Variants in KCNA6 observed in about 807,000 individuals in gnomAD.
The protein encoded by KCNA6 is human brain potassium channel-2.
A neutral mutation model predicts 29.5 loss-of-function variants in KCNA6; 17 were observed. That is an observed-to-expected ratio of 0.58 (90% confidence interval 0.39 to 0.86). KCNA6 has a LOEUF of 0.86. Among genes scored for constraint, KCNA6 ranks in the 40% least tolerant of loss-of-function variants. KCNA6 has a pLI of 0.00. For synonymous variants in KCNA6, 296 were observed against 304.7 expected, an observed-to-expected ratio of 0.97 and a Z score of 0.30; for missense variants, 450 against 703.4, an observed-to-expected ratio of 0.64 and a Z score of 4.07.
chr12:4,850,527 T>A, the KCNA6 span, among the ~76,000 whole-genome samples: 1 of 152,102 alleles, frequency 6.6e-6, no homozygotes, highest in Non-Finnish European at 1.5e-5. This position sits in a 1 kb window ranked among gnomAD's most constrained non-coding sequence, Gnocchi z 5.4. Context: ...AGTCACTGAT[T>A]AGTTGCTGGA....
chr12:4,835,934 G>GTTTTTTTT, the KCNA6 span, among the ~76,000 whole-genome samples: 75 of 137,200 alleles, frequency 5.5e-4, no homozygotes, highest in African/African-American at 2.0e-3. Flanking sequence ...AAAAGTCGCT[G>GTTTTTTTT]TTTTTTTTTT....
At chr12:4,839,101 T>C in the KCNA6 span, 1 of 152,242 alleles carries the variant, frequency 6.6e-6, no homozygotes, top group Non-Finnish European at 1.5e-5. Context: ...ATGCATAGAA[T>C]AATAAAGTTT....
chr12:4,820,635 A>C, the KCNA6 span, among the ~76,000 whole-genome samples: 50 of 151,466 alleles, frequency 3.3e-4, no homozygotes, highest in African/African-American at 1.2e-3. Context: ...CAAACTCCTT[A>C]GCAGAGCTGC....
At chr12:4,825,555 T>G in the KCNA6 span, among the ~76,000 whole-genome samples, 184 of 152,346 alleles carry the variant, frequency 1.2e-3, 1 homozygote, top group African/African-American at 4.4e-3. Flanking sequence ...TTTGAGTGCA[T>G]GGACCCTCAG....
the KCNA6 span, among the ~76,000 whole-genome samples, chr12:4,845,916 G>A: frequency 6.6e-6 from 1 of 150,538 alleles, no homozygotes; most frequent in East Asian, 1.9e-4. Flanking sequence ...TTTGTCACTG[G>A]ATTTCTCAGT....
the KCNA6 span, among the ~76,000 whole-genome samples, chr12:4,841,042 G>A: frequency 2.0e-5 from 3 of 152,170 alleles, no homozygotes; most frequent in Non-Finnish European, 4.4e-5. Context: ...GAAAAAGAAA[G>A]GATGAATTTA....
At chr12:4,813,629 G>T (rs1454223214), downstream of KCNA6, 1 of 167,008 alleles carries the variant, frequency 6.0e-6, no homozygotes, top group Non-Finnish European at 1.5e-5. Flanking sequence ...CTTGACTGGG[G>T]GCTTGGCTTC....
chr12:4,847,360 A>C, the KCNA6 span, among the ~76,000 whole-genome samples: 2 of 151,996 alleles, frequency 1.3e-5, no homozygotes, highest in Admixed American at 6.5e-5. Flanking sequence ...CTATTTCTTT[A>C]ATAATATTCT....
the KCNA6 span, among the ~76,000 whole-genome samples, chr12:4,829,965 G>A: frequency 6.6e-6 from 1 of 152,166 alleles, no homozygotes; most frequent in Non-Finnish European, 1.5e-5. Context: ...TCCCTACTTG[G>A]CTCATGGCCA....
chr12:4,824,788 A>G, the KCNA6 span, among the ~76,000 whole-genome samples: 1 of 152,244 alleles, frequency 6.6e-6, no homozygotes, highest in East Asian at 1.9e-4. Context: ...CTTTGCAATT[A>G]TAATACCAAT....
chr12:4,844,381 A>G, the KCNA6 span, among the ~76,000 whole-genome samples: 1 of 152,212 alleles, frequency 6.6e-6, no homozygotes. The surrounding 1 kb of genome is among the most constrained non-coding windows in gnomAD (Gnocchi z 4.0). Context: ...AGGGAATGTC[A>G]GGGAAGAAGT....
At chr12:4,813,282 G>A (rs1946650500) in exon 1 of KCNA6, 1 of 166,946 alleles carries the variant, frequency 6.0e-6, no homozygotes, top group African/African-American at 2.4e-5. Flanking sequence ...GTCACTCTTT[G>A]TGCCTCAGTT....
chr12:4,836,321 A>T, the KCNA6 span, among the ~76,000 whole-genome samples: 1 of 151,928 alleles, frequency 6.6e-6, no homozygotes, highest in East Asian at 1.9e-4. Context: ...GATCAGGTGG[A>T]CTCTGCAGTA....
the KCNA6 span, among the ~76,000 whole-genome samples, chr12:4,843,290 C>T: frequency 6.6e-6 from 1 of 151,782 alleles, no homozygotes; most frequent in Admixed American, 6.6e-5. Context: ...ACACCATTCT[C>T]CTGCCTCAGC....
chr12:4,839,858 C>A, the KCNA6 span, among the ~76,000 whole-genome samples: 5 of 152,258 alleles, frequency 3.3e-5, no homozygotes, highest in African/African-American at 1.2e-4. Context: ...GAGGAGGCCA[C>A]CAAGCAATTG....
chr12:4,829,228 G>A, the KCNA6 span, among the ~76,000 whole-genome samples: 1 of 152,258 alleles, frequency 6.6e-6, no homozygotes, highest in African/African-American at 2.4e-5. Flanking sequence ...TCACCCCGGT[G>A]GAGCAGGAAT....
chr12:4,839,594 A>C, the KCNA6 span, among the ~76,000 whole-genome samples: 1 of 152,188 alleles, frequency 6.6e-6, no homozygotes, highest in Non-Finnish European at 1.5e-5. Flanking sequence ...CCCTAATCCC[A>C]AGTTGTTCAA....
At chr12:4,829,960 A>C in the KCNA6 span, among the ~76,000 whole-genome samples, 1 of 152,278 alleles carries the variant, frequency 6.6e-6, no homozygotes, top group Middle Eastern at 3.4e-3. Flanking sequence ...GCTGTTCCCT[A>C]CTTGGCTCAT....
At chr12:4,834,024 G>T in the KCNA6 span, among the ~76,000 whole-genome samples, 3 of 151,330 alleles carry the variant, frequency 2.0e-5, no homozygotes, top group Admixed American at 6.6e-5. Flanking sequence ...GATGTCTCAG[G>T]CCCAAGGGCT....
Sources: allele counts gnomAD v4.1 joint callset (sites outside exome capture counted in the v4.1 genomes callset), GRCh38; gene constraint gnomAD v4.1.1; non-coding constraint Gnocchi (gnomAD v3.1); transcripts MANE v1.5; gene names NCBI Gene and HGNC (gene_info 2026-07-23, HGNC 2026-07-21).